Variants in PLAC8 observed in about 807,000 individuals in gnomAD.
The protein encoded by PLAC8 is placenta-specific gene 8 protein.
In PLAC8, 6 loss-of-function variants were observed where a neutral mutation model predicts 12.6. The ratio of observed to expected loss-of-function variants is 0.48; its 90% CI spans 0.26 to 0.94. The LOEUF (loss-of-function observed/expected upper bound fraction) is 0.94. PLAC8 is among the 40% of genes least tolerant of loss of function. PLAC8 has a pLI of 0.14. For synonymous variants in PLAC8, 54 were observed against 52.6 expected (o/e 1.03, Z -0.11); for missense variants, 122 against 152.7 (o/e 0.80, Z 1.06).
At chr4:83,111,409 G>A (rs911654327) in intron 1 of PLAC8, among the ~76,000 whole-genome samples, 1 of 151,938 alleles carries the variant, frequency 6.6e-6, no homozygotes, top group Non-Finnish European at 1.5e-5. Context: ...GCTAACGCCT[G>A]TAATCCTAGC....
chr4:83,110,012 G>T (rs1215290801), intron 1 of PLAC8, among the ~76,000 whole-genome samples: 1 of 152,100 alleles, frequency 6.6e-6, no homozygotes, highest in African/African-American at 2.4e-5. Context: ...CGCCGCTGGG[G>T]ACTCGGCGTG....
intron 3 of PLAC8, among the ~76,000 whole-genome samples, chr4:83,095,928 T>A (rs1314801177): frequency 6.6e-6 from 1 of 152,228 alleles, no homozygotes; most frequent in Non-Finnish European, 1.5e-5. Context: ...GGCAGGGCAC[T>A]AGATGAACCC....
chr4:83,103,761 T>C (rs1047081430), intron 3 of PLAC8, among the ~76,000 whole-genome samples: 18 of 152,262 alleles, frequency 1.2e-4, no homozygotes, highest in Non-Finnish European at 5.9e-5. Context: ...GCCTCCCTCC[T>C]GGGTTCAAGC....
intron 3 of PLAC8, among the ~76,000 whole-genome samples, chr4:83,096,025 CA>C (rs1015942468): frequency 3.3e-5 from 5 of 152,292 alleles, no homozygotes; most frequent in Non-Finnish European, 7.3e-5. Context: ...TTGTAGCCTC[CA>C]GCTCCATGAC....
At position 83,114,138 on chromosome 4, in the gene PLAC8, G is replaced by A. The variant is rs150971011; in HGVS notation, c.-30+528C>T. On this transcript the variant is annotated intron_variant, in intron 1 of 4. Transcript: ENST00000311507. The stretch of plus-strand genomic sequence containing the variant: ...TCCATCTCTCTTTATACATATAAAT[G>A]AAGCACCAGAATTTAATTTTGAAGA... 7.0e-3 allele frequency among the ~76,000 whole-genome samples: 1,064 copies of A among 151,936 alleles called. 11 individuals are homozygous for A. The highest frequency in any genetic ancestry group is 0.024 in the African/African-American group (995 of 41,442).
At chr4:83,100,633 C>G (rs555506768) in intron 3 of PLAC8, among the ~76,000 whole-genome samples, 1 of 152,304 alleles carries the variant, frequency 6.6e-6, no homozygotes, top group South Asian at 2.1e-4. Context: ...ACCAGCTGTT[C>G]TGTTCTCCTA....
At chr4:83,109,054 T>C (rs1359010932) in intron 1 of PLAC8, among the ~76,000 whole-genome samples, 5 of 152,152 alleles carry the variant, frequency 3.3e-5, no homozygotes, top group African/African-American at 1.2e-4. Context: ...TGAGAGGCAG[T>C]GTAGGGTCAT....
chr4:83,107,820 G>A lies in PLAC8; in HGVS notation c.102C>T (p.Phe34=). The change falls in exon 2 of 5, where the codon TTC becomes TTT. Residue 34 remains phenylalanine (F), a synonymous_variant. Coordinates refer to ENST00000311507, the MANE Select transcript of PLAC8 (RefSeq NM_016619.3). ...CACACTTACAGACTCCGCAGTCGCT[G>A]AAACAGTCACACATGCCTGTCTGCC... is the stretch of plus-strand genomic sequence containing the variant. ...SNWQTGMCDC[F]SDCGVCLCGT... The A allele has an allele frequency of 6.2e-7, 1 of 1,606,512 alleles. No homozygotes were observed. Among genetic ancestry groups the A allele is most frequent in the East Asian group, 2.3e-5 (1 of 44,318 alleles).
chr4:83,096,170 A>G lies in PLAC8; in HGVS notation c.244-1379T>C, dbSNP rs113509667. ...TTAAACTATAAACTACGTTTCTCCC[A>G]AAGTTGGTTCAGCCTACACCCAGGA... is the stretch of plus-strand genomic sequence containing the variant. On this transcript the variant is annotated intron_variant, in intron 3 of 4. Transcript: ENST00000311507. 2.5e-3 allele frequency among the ~76,000 whole-genome samples: 388 copies of G among 152,332 alleles called. 6 individuals are homozygous for G. The highest frequency in any genetic ancestry group is 9.0e-3 in the African/African-American group (376 of 41,580).
At chr4:83,110,455 A>G (rs924312148) in intron 1 of PLAC8, among the ~76,000 whole-genome samples, 5 of 152,310 alleles carry the variant, frequency 3.3e-5, no homozygotes, top group Admixed American at 1.3e-4. Context: ...TGGGAAAAGT[A>G]AGTCCCAAAT....
chr4:83,105,795 G>A (rs1578742547), intron 2 of PLAC8, among the ~76,000 whole-genome samples: 1 of 152,276 alleles, frequency 6.6e-6, no homozygotes, highest in East Asian at 1.9e-4. Context: ...AATACTAGGG[G>A]TGAGAGGGTT....
At chr4:83,108,882 C>A (rs143260410) in intron 1 of PLAC8, among the ~76,000 whole-genome samples, 2 of 152,304 alleles carry the variant, frequency 1.3e-5, no homozygotes, top group African/African-American at 4.8e-5. Context: ...TTCCGATGAG[C>A]AATCCTTTCC....
At chr4:83,091,276 C>T (rs890949851) in intron 4 of PLAC8, among the ~76,000 whole-genome samples, 4 of 152,170 alleles carry the variant, frequency 2.6e-5, no homozygotes, top group African/African-American at 9.7e-5. Context: ...TACCACATTA[C>T]ATTTAATTGT....
intron 1 of PLAC8, among the ~76,000 whole-genome samples, chr4:83,114,385 T>C (rs972453697): frequency 1.3e-5 from 2 of 152,180 alleles, no homozygotes; most frequent in African/African-American, 4.8e-5. Flanking sequence ...ATGTATAATA[T>C]GTGTTTGCTG....
intron 3 of PLAC8, among the ~76,000 whole-genome samples, chr4:83,102,987 G>A (rs1188360604): frequency 1.3e-5 from 2 of 151,698 alleles, no homozygotes; most frequent in Admixed American, 6.6e-5. Context: ...TCAGGAGGCC[G>A]AGGCAGGAGA....
chr4:83,105,039 G>A lies in PLAC8; in HGVS notation c.119-19C>T. On this transcript the variant is annotated intron_variant, in intron 2 of 4. Coordinates refer to ENST00000311507, the MANE Select transcript of PLAC8 (RefSeq NM_016619.3). The stretch of plus-strand genomic sequence containing the variant: ...CAGAGACCTAGACACATGAAACCAG[G>A]GGTACATATTACTCCACTCTGCCCC... 1 of 1,613,824 alleles carries A rather than the reference G, an allele frequency of 6.2e-7. No individual in the cohort carries two copies. The highest frequency in any genetic ancestry group is 1.7e-5 in the Admixed American group (1 of 59,978).
intron 3 of PLAC8, among the ~76,000 whole-genome samples, chr4:83,103,625 GTCAA>G (rs1047550740): frequency 9.9e-5 from 15 of 152,212 alleles, no homozygotes; most frequent in South Asian, 8.3e-4. Flanking sequence ...GAAAGGAATG[GTCAA>G]TCAATGAGGC....
At chr4:83,094,585 C>T in intron 4 of PLAC8, 93 bp downstream of exon 4, 1 of 690,184 alleles carries the variant, frequency 1.4e-6, no homozygotes, top group South Asian at 1.9e-5. Flanking sequence ...ATAGTTATTG[C>T]TGAATTATTC....
intron 4 of PLAC8, among the ~76,000 whole-genome samples, chr4:83,092,692 A>G (rs1336957450): frequency 6.6e-6 from 1 of 151,644 alleles, no homozygotes; most frequent in East Asian, 1.9e-4. Flanking sequence ...TACTTATGCC[A>G]TATGTTCTAG....
Sources: allele counts gnomAD v4.1 joint callset (sites outside exome capture counted in the v4.1 genomes callset), GRCh38; gene constraint gnomAD v4.1.1; transcripts MANE v1.5; gene names NCBI Gene and HGNC (gene_info 2026-07-23, HGNC 2026-07-21).